Variants in OSBPL9 observed in about 807,000 individuals in gnomAD.
The protein encoded by OSBPL9 is oxysterol-binding protein-related protein 9.
OSBPL9 carries 40 observed loss-of-function variants against 106.6 expected under a neutral mutation model. That is an observed-to-expected ratio of 0.38 (90% CI 0.29 to 0.49). The LOEUF is 0.49. Ranked by LOEUF, OSBPL9 falls within the 20% of genes least tolerant of loss-of-function variation. OSBPL9 has a pLI of 0.97. For missense variants in OSBPL9, 609 were observed against 887.2 expected, an observed-to-expected ratio of 0.69 and a Z score of 3.98; for synonymous variants, 269 against 295.4, an observed-to-expected ratio of 0.91 and a Z score of 0.92.
chr1:51,548,592 G>A, the OSBPL9 span, among the ~76,000 whole-genome samples: 1 of 151,840 alleles, frequency 6.6e-6, no homozygotes, highest in African/African-American at 2.4e-5. Context: ...GTTCCACTAT[G>A]TTGCCCAGGC....
chr1:51,786,023 C>G, intron 21 of OSBPL9, 137 bp downstream of exon 21: 1 of 735,540 alleles, frequency 1.4e-6, no homozygotes, highest in Non-Finnish European at 2.3e-6. Context: ...TTTAGGACAG[C>G]TCCAGTGTAT....
intron 3 of OSBPL9, among the ~76,000 whole-genome samples, chr1:51,694,373 A>T (rs890995980): frequency 5.9e-5 from 9 of 152,210 alleles, no homozygotes; most frequent in African/African-American, 2.2e-4. Context: ...CATTCAATCT[A>T]TTATGATGAG....
chr1:51,669,685 C>T (rs1649402841), intron 3 of OSBPL9, 173 bp downstream of exon 3: 1 of 558,916 alleles, frequency 1.8e-6, no homozygotes, highest in Non-Finnish European at 3.4e-6. Context: ...TTTGTATCTG[C>T]AATGGATGTA....
chr1:51,530,677 A>C, the OSBPL9 span, among the ~76,000 whole-genome samples: 1 of 151,768 alleles, frequency 6.6e-6, no homozygotes, highest in Admixed American at 6.6e-5. Flanking sequence ...AGCCTGGGTG[A>C]CAGACTGAGA....
upstream of OSBPL9, among the ~76,000 whole-genome samples, chr1:51,615,113 A>T (rs1163817496): frequency 6.6e-6 from 1 of 152,186 alleles, no homozygotes; most frequent in Non-Finnish European, 1.5e-5. Context: ...TACAAAAGTT[A>T]GCCAGGCGAG....
chr1:51,711,781 C>G (rs796360690), intron 3 of OSBPL9, among the ~76,000 whole-genome samples: 1 of 146,778 alleles, frequency 6.8e-6, no homozygotes, highest in Non-Finnish European at 1.5e-5. Flanking sequence ...GATGGGGCGG[C>G]GGGGCAGAGG....
chr1:51,695,555 A>G (rs1655841431), intron 3 of OSBPL9, among the ~76,000 whole-genome samples: 1 of 152,172 alleles, frequency 6.6e-6, no homozygotes, highest in South Asian at 2.1e-4. Flanking sequence ...TTGCTATAAT[A>G]TCTCCAAACT....
rs61782129 is a variant in OSBPL9, at chr1:51,604,640, T to C, written c.-353+6447T>C. On this transcript the variant is annotated intron_variant, in intron 2 of 25. Coordinates refer to the OSBPL9 transcript ENST00000371714. Reference sequence around the variant, plus strand: ...GCAAACTGGTTTTGAAGACCAAATATGGCTAGCTTCATGGTTTCTTTGTTT... The same window carrying C: ...GCAAACTGGTTTTGAAGACCAAATACGGCTAGCTTCATGGTTTCTTTGTTT... 5.7e-3 allele frequency among the ~76,000 whole-genome samples: 870 copies of C among 152,216 alleles called. 7 individuals carry two copies. Among genetic ancestry groups the C allele is most frequent in the Non-Finnish European group, 6.5e-3 (440 of 67,986 alleles).
At chr1:51,672,987 A>G (rs1343024802) in intron 3 of OSBPL9, among the ~76,000 whole-genome samples, 1 of 152,248 alleles carries the variant, frequency 6.6e-6, no homozygotes, top group Non-Finnish European at 1.5e-5. Context: ...TCATTGGCAC[A>G]TAGATGGTAT....
At chr1:51,607,768 G>T (rs1165151554) in intron 2 of OSBPL9, among the ~76,000 whole-genome samples, 1 of 152,200 alleles carries the variant, frequency 6.6e-6, no homozygotes, top group Admixed American at 6.5e-5. Flanking sequence ...TTGGAGGAAA[G>T]AATTTGGCCA....
At chr1:51,564,051 T>TAAAAAAAAAAAAA in the OSBPL9 span, among the ~76,000 whole-genome samples, 1 of 242 alleles carries the variant, frequency 4.1e-3, no homozygotes, top group South Asian at 0.17. Context: ...CGAGATCATC[T>TAAAAAAAAAAAAA]CAAAAAAAAA....
chr1:51,620,200 A>G (rs568577099), intron 1 of OSBPL9, among the ~76,000 whole-genome samples: 4 of 152,302 alleles, frequency 2.6e-5, no homozygotes, highest in South Asian at 4.1e-4. Context: ...TGAGCAACCA[A>G]TTGTTTATGT....
chr1:51,558,740 T>A, the OSBPL9 span, among the ~76,000 whole-genome samples: 8 of 152,214 alleles, frequency 5.3e-5, no homozygotes, highest in Non-Finnish European at 1.0e-4. Context: ...TTCCGCTTAG[T>A]GAGCTCTGCA....
rs761284537 is a variant in OSBPL9 at position 51,761,975 on chromosome 1, C to T, written c.778+4C>T. ...ACTCCTACACCAAATAGTACAGGTA[C>T]AGATTTGCATAATTTCTTTATGTCT... is the stretch of plus-strand genomic sequence containing the variant. On this transcript the variant is annotated splice_donor_region_variant and intron_variant, in intron 11 of 23. Transcript: ENST00000428468. The T allele has an allele frequency of 1.9e-6, 3 of 1,578,664 alleles. No homozygotes were observed. The highest frequency in any genetic ancestry group is 2.6e-6 in the Non-Finnish European group (3 of 1,147,974).
chr1:51,734,261 C>A (rs1263051169), intron 4 of OSBPL9, among the ~76,000 whole-genome samples: 1 of 152,148 alleles, frequency 6.6e-6, no homozygotes, highest in East Asian at 1.9e-4. Flanking sequence ...CTGAACAACT[C>A]GTTTTTCCCA....
chr1:51,764,326 T>A (rs770547232), intron 11 of OSBPL9, among the ~76,000 whole-genome samples: 2 of 152,184 alleles, frequency 1.3e-5, no homozygotes, highest in Non-Finnish European at 2.9e-5. Context: ...TTTATTCCAA[T>A]AAGAAAAAGC....
At chr1:51,722,202 G>GATAA (rs1324314380) in intron 4 of OSBPL9, among the ~76,000 whole-genome samples, 2 of 151,674 alleles carry the variant, frequency 1.3e-5, no homozygotes, top group Non-Finnish European at 2.9e-5. Context: ...TAGATAGATA[G>GATAA]ATAGAAGTAG....
chr1:51,532,592 G>A, the OSBPL9 span, among the ~76,000 whole-genome samples: 42 of 152,314 alleles, frequency 2.8e-4, no homozygotes, highest in African/African-American at 9.4e-4. Flanking sequence ...GGTCAGTGGC[G>A]ATGAATTTTA....
the OSBPL9 span, among the ~76,000 whole-genome samples, chr1:51,544,983 A>G: frequency 6.6e-6 from 1 of 151,574 alleles, no homozygotes; most frequent in African/African-American, 2.4e-5. Context: ...AGCTGGGATT[A>G]CAGGTGCCCA....
Sources: gnomAD v4.1 joint callset for allele counts (sites outside exome capture counted in the v4.1 genomes callset) on GRCh38, gnomAD v4.1.1 for gene constraint, MANE v1.5 for transcripts, NCBI Gene and HGNC (gene_info 2026-07-23, HGNC 2026-07-21) for gene names.